FMN2: variants seen among roughly 807,000 people sequenced by gnomAD.
The protein encoded by FMN2 is formin 2.
In FMN2, 51 loss-of-function variants were observed where a neutral mutation model predicts 142.3. The ratio of observed to expected loss-of-function variants is 0.36; its 90% CI spans 0.29 to 0.45. The LOEUF is 0.45. Among genes scored for constraint, FMN2 ranks in the 20% least tolerant of loss-of-function variants. FMN2 has a pLI of 1.00. For synonymous variants in FMN2, 882 were observed against 869.8 expected, an observed-to-expected ratio of 1.01 and a Z score of -0.25; for missense variants, 1,936 against 2,122.8, an observed-to-expected ratio of 0.91 and a Z score of 1.73.
intron 16 of FMN2, among the ~76,000 whole-genome samples, chr1:240,452,127 G>T (rs774138111): frequency 6.6e-6 from 1 of 151,622 alleles, no homozygotes; most frequent in South Asian, 2.1e-4. Flanking sequence ...GGAGGCAGGG[G>T]TTGCAGTGAG....
At chr1:240,164,672 A>AC (rs1664406750) in intron 2 of FMN2, among the ~76,000 whole-genome samples, 1 of 152,204 alleles carries the variant, frequency 6.6e-6, no homozygotes. Flanking sequence ...GCTTTCAATG[A>AC]CACTAACTTC....
chr1:240,159,358 A>G (rs966918428), intron 2 of FMN2, among the ~76,000 whole-genome samples: 3 of 152,092 alleles, frequency 2.0e-5, no homozygotes, highest in Non-Finnish European at 4.4e-5. Flanking sequence ...CCATTTTTGT[A>G]GGCTTGACAC....
chr1:240,361,938 C>A (rs757061497), intron 14 of FMN2, among the ~76,000 whole-genome samples: 1 of 152,148 alleles, frequency 6.6e-6, no homozygotes, highest in Non-Finnish European at 1.5e-5. Flanking sequence ...GAATTTGTTA[C>A]GGAAGCCAGA....
chr1:240,318,710 A>C (rs1670872194), intron 8 of FMN2, among the ~76,000 whole-genome samples: 1 of 152,204 alleles, frequency 6.6e-6, no homozygotes, highest in Admixed American at 6.5e-5. Context: ...TAAGTACTTC[A>C]TAGAACATGT....
At chr1:240,353,523 G>T (rs971953423) in intron 13 of FMN2, among the ~76,000 whole-genome samples, 1 of 152,170 alleles carries the variant, frequency 6.6e-6, no homozygotes, top group Non-Finnish European at 1.5e-5. Flanking sequence ...AGGCACAAAT[G>T]GAAATAAGAT....
At chr1:240,442,810 G>T (rs574162273) in intron 16 of FMN2, among the ~76,000 whole-genome samples, 1 of 152,076 alleles carries the variant, frequency 6.6e-6, no homozygotes, top group Non-Finnish European at 1.5e-5. Context: ...CATCCGTGTC[G>T]GATAGGGCTT....
chr1:240,300,835 T>C (rs1231731047), intron 8 of FMN2, among the ~76,000 whole-genome samples: 1 of 152,018 alleles, frequency 6.6e-6, no homozygotes, highest in Non-Finnish European at 1.5e-5. Flanking sequence ...CTCTTTGTCT[T>C]GACGTTTTTT....
In FMN2 at chr1:240,389,409, A is replaced by G. The variant is rs78666354; in HGVS notation, c.4859-3102A>G. ...AAGTCATGTTTGAAAGTCTGTGCTT[A>G]TAACAGTGGTGGTACACAGCCTATA... On this transcript the variant is annotated intron_variant, in intron 14 of 17. Coordinates refer to ENST00000319653, the MANE Select transcript of FMN2 (RefSeq NM_020066.5). Among the ~76,000 whole-genome samples, 499 of 152,356 alleles carry G rather than the reference A, an allele frequency of 3.3e-3. 13 individuals are homozygous for G. The East Asian group carries it at 0.049, about 15-fold the overall frequency.
At chr1:240,235,585 A>T (rs543362747) in intron 6 of FMN2, among the ~76,000 whole-genome samples, 95 of 131,986 alleles carry the variant, frequency 7.2e-4, no homozygotes, top group African/African-American at 2.3e-3. Flanking sequence ...CTAATTAAAA[A>T]TTTTTTATTA....
intron 1 of FMN2, among the ~76,000 whole-genome samples, chr1:240,094,130 C>T (rs895298999): frequency 6.6e-6 from 1 of 152,082 alleles, no homozygotes; most frequent in African/African-American, 2.4e-5. Flanking sequence ...ATGGTTCTTT[C>T]GCAAGAGTCG....
At chr1:240,145,207 C>CA in intron 2 of FMN2, 1 of 1,430,018 alleles carries the variant, frequency 7.0e-7, no homozygotes, top group South Asian at 1.2e-5. Context: ...CAAGCATCTC[C>CA]AGTTCATCTT....
chr1:240,215,612 A>G (rs1241602851), intron 6 of FMN2, among the ~76,000 whole-genome samples: 2 of 152,212 alleles, frequency 1.3e-5, no homozygotes, highest in Non-Finnish European at 2.9e-5. Context: ...TTGAATGTGT[A>G]TTGGTTTTTC....
At chr1:240,227,000 C>A (rs960651796) in intron 6 of FMN2, among the ~76,000 whole-genome samples, 1 of 151,938 alleles carries the variant, frequency 6.6e-6, no homozygotes, top group Non-Finnish European at 1.5e-5. Context: ...CTAGTCAAGG[C>A]AATTAGGCAA....
intron 2 of FMN2, among the ~76,000 whole-genome samples, chr1:240,163,906 T>G (rs1274184431): frequency 1.3e-5 from 2 of 152,116 alleles, no homozygotes; most frequent in Non-Finnish European, 2.9e-5. Context: ...AAGGTCTCCC[T>G]CTGTCACCCA....
chr1:240,316,621 G>A (rs1670789054), intron 8 of FMN2, among the ~76,000 whole-genome samples: 1 of 152,112 alleles, frequency 6.6e-6, no homozygotes, highest in Non-Finnish European at 1.5e-5. Context: ...CCATACACAG[G>A]CTTCTTTCTT....
chr1:240,211,199 T>C lies in FMN2; in HGVS notation c.4029T>C (p.Pro1343=), dbSNP rs547349672. 2.5e-6 allele frequency: 4 copies of C among 1,612,672 alleles called. No individual in the cohort carries two copies. In the African/African-American group the frequency reaches 5.3e-5, roughly 22 times the overall value. ...SKTAVKERKK[P]ISDTISKTKA... is the part of the protein sequence containing the mutation. ...CTGCTGTAAAGGAGAGAAAGAAACC[T>C]ATCTCTGATACTATCTCAAAGACGA... Residue 1343 remains proline, a synonymous_variant, in exon 6 of 18, where the codon CCT becomes CCC. Transcript: ENST00000319653.
intron 2 of FMN2, among the ~76,000 whole-genome samples, chr1:240,130,932 C>T (rs1662710654): frequency 6.6e-6 from 1 of 152,066 alleles, no homozygotes; most frequent in African/African-American, 2.4e-5. Flanking sequence ...TCCCCCAAGC[C>T]CCTGCCCTGT....
At chr1:240,144,120 C>T (rs746818954) in intron 2 of FMN2, 5 of 1,203,688 alleles carry the variant, frequency 4.2e-6, no homozygotes, top group Non-Finnish European at 6.2e-6. Context: ...ATCCACATCC[C>T]ACAGCAGCAG....
At chr1:240,162,699 G>A (rs182242570) in intron 2 of FMN2, among the ~76,000 whole-genome samples, 35 of 152,092 alleles carry the variant, frequency 2.3e-4, no homozygotes, top group Admixed American at 1.8e-3. Flanking sequence ...CTTGCCAGAG[G>A]TTTTTAATAT....
Sources: gnomAD v4.1 joint callset for allele counts (sites outside exome capture counted in the v4.1 genomes callset) on GRCh38, gnomAD v4.1.1 for gene constraint, MANE v1.5 for transcripts, NCBI Gene and HGNC (gene_info 2026-07-23, HGNC 2026-07-21) for gene names.